The following RUFY2 variants were observed in gnomAD, a reference collection of about 807,000 sequenced individuals.
RUFY2 encodes the protein RUN and FYVE domain-containing protein 2.
RUFY2 carries 49 observed loss-of-function variants against 94.4 expected under a neutral mutation model. The observed-to-expected ratio is 0.52, with a 90% CI of 0.41 to 0.66. The LOEUF is 0.66. RUFY2 is among the 30% of genes least tolerant of loss of function. The probability of loss-of-function intolerance (pLI) is 0.00; values close to 1 mark genes in which losing one functional copy is unlikely to be tolerated. For missense variants in RUFY2, 541 were observed against 692.8 expected, an observed-to-expected ratio of 0.78 and a Z score of 2.46; for synonymous variants, 255 against 235.7, an observed-to-expected ratio of 1.08 and a Z score of -0.75.
At position 68,343,965 on chromosome 10, in the gene RUFY2, C is replaced by G. The variant is rs1312223230; in HGVS notation, c.*1803G>C. 6.6e-6 allele frequency: 1 copy of G among 151,966 alleles called. No individual in the cohort carries two copies. Among genetic ancestry groups the G allele is most frequent in the African/African-American group, 2.4e-5 (1 of 41,384 alleles). The allele number at this position is 151,966 out of a possible 1,614,324, so 9.4% of individuals were successfully genotyped here. A position where few individuals can be genotyped will look rare whatever the true frequency, so the allele number is the denominator to read the frequency against. On this transcript the variant is annotated 3_prime_UTR_variant, in exon 18 of 18. Coordinates refer to ENST00000602465, the MANE Select transcript of RUFY2 (RefSeq NM_001330103.2). Reference sequence around the variant, plus strand: ...CTTAAGTCACATTTTAAAATTTGTTCTAAGCACAGTAATAAAAAAGCATAT... The same window carrying G: ...CTTAAGTCACATTTTAAAATTTGTTGTAAGCACAGTAATAAAAAAGCATAT...
chr10:68,377,825 G>T lies in RUFY2; in HGVS notation c.1206-853C>A, dbSNP rs1288583151. 3 of 985,146 alleles carry T rather than the reference G, an allele frequency of 3.0e-6. No individual in the cohort carries two copies. The African/African-American group carries it at 5.2e-5, about 17-fold the overall frequency. 61.0% of individuals were successfully genotyped at this position (985,146 alleles called of 1,614,324 possible). A position where few individuals can be genotyped will look rare whatever the true frequency, so the allele number is the denominator to read the frequency against. On this transcript the variant is annotated intron_variant, in intron 12 of 17. Transcript: ENST00000602465. Reference sequence around the variant, plus strand: ...GCAGGAAATCACAAGAGAAATTTCGGTTCAACTAACTAAAAAACTCTTCCT... The same window carrying T: ...GCAGGAAATCACAAGAGAAATTTCGTTTCAACTAACTAAAAAACTCTTCCT...
At chr10:68,397,212 C>A (rs181599591) in intron 3 of RUFY2, among the ~76,000 whole-genome samples, 134 of 152,286 alleles carry the variant, frequency 8.8e-4, no homozygotes, top group Non-Finnish European at 1.6e-3. Flanking sequence ...GTATACACAC[C>A]TATGCTATAT....
At chr10:68,405,383 T>C in intron 1 of RUFY2, 3 of 737,560 alleles carry the variant, frequency 4.1e-6, no homozygotes, top group Non-Finnish European at 5.0e-6. Context: ...CAGCCAAAGT[T>C]AATGAATTAT....
chr10:68,393,648 G>C (rs545723188), intron 6 of RUFY2: 1 of 189,834 alleles, frequency 5.3e-6, no homozygotes, highest in South Asian at 1.0e-4. Context: ...AGAATCGCTT[G>C]AACCCAGGAG....
At chr10:68,398,178 CA>C in intron 3 of RUFY2, among the ~76,000 whole-genome samples, 1 of 147,160 alleles carries the variant, frequency 6.8e-6, no homozygotes, top group South Asian at 2.2e-4. Flanking sequence ...ATAATGCCTT[CA>C]AAAACATAGG....
At chr10:68,385,636 G>A (rs555283515) in intron 8 of RUFY2, among the ~76,000 whole-genome samples, 30 of 151,974 alleles carry the variant, frequency 2.0e-4, no homozygotes, top group Non-Finnish European at 3.5e-4. Context: ...TAAATTCTGG[G>A]ATACATGTGC....
At chr10:68,385,648 G>C (rs1338189362) in intron 8 of RUFY2, among the ~76,000 whole-genome samples, 1 of 152,056 alleles carries the variant, frequency 6.6e-6, no homozygotes, top group African/African-American at 2.4e-5. Context: ...TACATGTGCA[G>C]AATGTACAGG....
intron 7 of RUFY2, among the ~76,000 whole-genome samples, chr10:68,392,909 A>G (rs927267542): frequency 3.4e-5 from 5 of 148,952 alleles, no homozygotes; most frequent in Non-Finnish European, 7.4e-5. Context: ...GCCTGGCAAC[A>G]GAGTGAGACT....
intron 5 of RUFY2, 55 bp from the exon 6 acceptor site, chr10:68,394,191 G>A: frequency 6.6e-7 from 1 of 1,505,522 alleles, no homozygotes; most frequent in Non-Finnish European, 8.9e-7. Context: ...TTTATCAGAA[G>A]TACCTTTACT....
At chr10:68,405,854 G>T (rs1188990705) in intron 1 of RUFY2, 2 of 213,494 alleles carry the variant, frequency 9.4e-6, no homozygotes, top group East Asian at 1.8e-4. Context: ...CACAGCGCCA[G>T]TCTGAATACC....
At chr10:68,342,277 G>A, downstream of RUFY2, 1 of 457,174 alleles carries the variant, frequency 2.2e-6, no homozygotes, top group South Asian at 3.4e-5. Flanking sequence ...TCAAACCACT[G>A]ATGTTGATAC....
intron 13 of RUFY2, among the ~76,000 whole-genome samples, chr10:68,374,201 A>T (rs907899952): frequency 1.2e-4 from 18 of 151,164 alleles, no homozygotes; most frequent in African/African-American, 3.9e-4. Flanking sequence ...TTTGGGAGGC[A>T]AAGGTGGGAG....
intron 4 of RUFY2, among the ~76,000 whole-genome samples, chr10:68,396,370 A>C (rs2050395524): frequency 6.6e-6 from 1 of 152,194 alleles, no homozygotes; most frequent in Non-Finnish European, 1.5e-5. Context: ...ATTCTAAAAA[A>C]AAAAACAAAA....
chr10:68,375,616 T>C (rs1241303120), intron 13 of RUFY2, among the ~76,000 whole-genome samples: 2 of 150,946 alleles, frequency 1.3e-5, no homozygotes, highest in Non-Finnish European at 3.0e-5. Flanking sequence ...CTACTAAAAA[T>C]ACAAAAAAAA....
intron 11 of RUFY2, among the ~76,000 whole-genome samples, chr10:68,380,054 C>T (rs2048938157): frequency 6.6e-6 from 1 of 151,800 alleles, no homozygotes; most frequent in African/African-American, 2.4e-5. Context: ...GTGATCTGCC[C>T]GCCTTGGCCT....
intron 13 of RUFY2, among the ~76,000 whole-genome samples, chr10:68,372,221 C>A (rs1246294245): frequency 6.6e-6 from 1 of 151,956 alleles, no homozygotes; most frequent in Non-Finnish European, 1.5e-5. Flanking sequence ...CCAGCCTGGG[C>A]AACATAGCAA....
At chr10:68,381,179 T>C in intron 11 of RUFY2, 53 bp downstream of exon 11, 2 of 1,461,272 alleles carry the variant, frequency 1.4e-6, no homozygotes, top group Non-Finnish European at 1.9e-6. Flanking sequence ...AAAACCTTTC[T>C]ACAAATATTC....
intron 15 of RUFY2, among the ~76,000 whole-genome samples, chr10:68,360,750 A>G (rs2047402791): frequency 6.6e-6 from 1 of 152,010 alleles, no homozygotes; most frequent in Admixed American, 6.6e-5. Flanking sequence ...TCCATCTCAA[A>G]AAACGATAAT....
chr10:68,344,201 A>AAG lies in RUFY2; in HGVS notation c.*1566_*1567insCT, dbSNP rs1178165839. On this transcript the variant is annotated 3_prime_UTR_variant, in exon 18 of 18. Transcript: ENST00000602465. ...TGGAAAAAATAGATCTTCAAGTAAA[A>AAG]TATTCATTTCATACTTAGGCTATTC... is the stretch of plus-strand genomic sequence containing the variant. 2.0e-5 allele frequency: 3 copies of AAG among 152,098 alleles called. No individual in the cohort carries two copies. The highest frequency in any genetic ancestry group is 4.4e-5 in the Non-Finnish European group (3 of 68,032). 9.4% of individuals were successfully genotyped at this position (152,098 alleles called of 1,614,324 possible).
Sources: allele counts gnomAD v4.1 joint callset (sites outside exome capture counted in the v4.1 genomes callset), GRCh38; gene constraint gnomAD v4.1.1; transcripts MANE v1.5; gene names NCBI Gene and HGNC (gene_info 2026-07-23, HGNC 2026-07-21).